PDZRN4: variants seen among roughly 807,000 people sequenced by gnomAD.
The protein encoded by PDZRN4 is PDZ domain-containing RING finger protein 4.
A neutral mutation model predicts 99.0 loss-of-function variants in PDZRN4; 70 were observed. That is an observed-to-expected ratio of 0.71 (90% CI 0.58 to 0.86). PDZRN4 has a LOEUF of 0.86. Ranked by LOEUF, PDZRN4 falls within the 40% of genes least tolerant of loss-of-function variation. The pLI is 0.00. For missense variants in PDZRN4, 1,474 were observed against 1,331.2 expected (o/e 1.11, Z -1.67); for synonymous variants, 551 against 501.6 (o/e 1.10, Z -1.32).
At chr12:41,490,237 C>T (rs540273035) in intron 3 of PDZRN4, among the ~76,000 whole-genome samples, 2 of 152,262 alleles carry the variant, frequency 1.3e-5, no homozygotes, top group East Asian at 3.9e-4. Context: ...GTGTTTGAAA[C>T]TTACCATGGA....
chr12:41,471,834 A>G (rs1182974303), intron 3 of PDZRN4, among the ~76,000 whole-genome samples: 3 of 151,770 alleles, frequency 2.0e-5, no homozygotes, highest in African/African-American at 7.2e-5. Context: ...TTCTTTGTAG[A>G]AGTCAATTTG....
chr12:41,215,662 T>C (rs1294272389), intron 3 of PDZRN4, among the ~76,000 whole-genome samples: 1 of 152,020 alleles, frequency 6.6e-6, no homozygotes, highest in East Asian at 1.9e-4. Flanking sequence ...TTTTTACAGG[T>C]AATTGTTATA....
intron 3 of PDZRN4, among the ~76,000 whole-genome samples, chr12:41,445,035 A>G (rs1211062186): frequency 6.6e-6 from 1 of 151,978 alleles, no homozygotes; most frequent in African/African-American, 2.4e-5. Flanking sequence ...ATATTTTATT[A>G]AAAATATATA....
At chr12:41,360,796 C>T (rs988474795) in intron 3 of PDZRN4, among the ~76,000 whole-genome samples, 2 of 151,928 alleles carry the variant, frequency 1.3e-5, no homozygotes, top group African/African-American at 4.8e-5. Context: ...GGAAAAGTTG[C>T]CATCTGAAAT....
intron 3 of PDZRN4, among the ~76,000 whole-genome samples, chr12:41,450,507 G>C (rs1952765615): frequency 6.6e-6 from 1 of 152,162 alleles, no homozygotes; most frequent in African/African-American, 2.4e-5. Context: ...TCAGATACTG[G>C]GGAATCTGAA....
At chr12:41,525,343 A>G (rs1051973993) in intron 5 of PDZRN4, among the ~76,000 whole-genome samples, 3 of 152,208 alleles carry the variant, frequency 2.0e-5, no homozygotes, top group African/African-American at 7.2e-5. Context: ...ACTCAAATCA[A>G]GCTTCACTGC....
chr12:41,563,680 G>T, intron 8 of PDZRN4, 31 bp downstream of exon 8: 1 of 1,399,416 alleles, frequency 7.1e-7, no homozygotes, highest in South Asian at 1.2e-5. Flanking sequence ...CCTTGAGACT[G>T]AACTTTATAT....
intron 3 of PDZRN4, among the ~76,000 whole-genome samples, chr12:41,445,054 A>G (rs973640371): frequency 6.6e-6 from 1 of 152,058 alleles, no homozygotes; most frequent in African/African-American, 2.4e-5. Flanking sequence ...TAACTTCTTT[A>G]TATTTTCACT....
intron 3 of PDZRN4, among the ~76,000 whole-genome samples, chr12:41,199,892 T>C (rs970906338): frequency 3.3e-5 from 5 of 152,084 alleles, no homozygotes; most frequent in African/African-American, 4.8e-5. Context: ...GATTGAGGGC[T>C]GATAATTACT....
intron 5 of PDZRN4, among the ~76,000 whole-genome samples, chr12:41,520,129 T>A (rs184293294): frequency 6.3e-4 from 96 of 152,204 alleles, no homozygotes; most frequent in African/African-American, 2.3e-3. Flanking sequence ...ATGACGGAGG[T>A]AGAAATAAGA....
intron 3 of PDZRN4, among the ~76,000 whole-genome samples, chr12:41,433,314 A>G (rs1952600591): frequency 6.6e-6 from 1 of 152,202 alleles, no homozygotes; most frequent in Admixed American, 6.5e-5. Flanking sequence ...TAGAGATTGA[A>G]TTCCACCACA....
chr12:41,286,329 TC>T (rs1951422008), intron 3 of PDZRN4, among the ~76,000 whole-genome samples: 5 of 121,480 alleles, frequency 4.1e-5, no homozygotes, highest in African/African-American at 1.5e-4. Context: ...TCATTTTCCT[TC>T]TTCTTCTTTT....
intron 5 of PDZRN4, among the ~76,000 whole-genome samples, chr12:41,546,431 G>A (rs1300934160): frequency 6.6e-6 from 1 of 152,132 alleles, no homozygotes; most frequent in Admixed American, 6.5e-5. Context: ...TTGGGATTTT[G>A]AACTGGGAAT....
intron 6 of PDZRN4, among the ~76,000 whole-genome samples, chr12:41,554,979 C>G (rs1052913817): frequency 6.8e-6 from 1 of 146,594 alleles, no homozygotes; most frequent in Non-Finnish European, 1.5e-5. Flanking sequence ...GAGGCCAAGG[C>G]GGGCGGATCA....
intron 3 of PDZRN4, among the ~76,000 whole-genome samples, chr12:41,246,426 G>T (rs1376602515): frequency 6.6e-6 from 1 of 152,158 alleles, no homozygotes; most frequent in Non-Finnish European, 1.5e-5. Flanking sequence ...GGATAGGTAT[G>T]GATGGATATT....
intron 3 of PDZRN4, among the ~76,000 whole-genome samples, chr12:41,195,004 A>G (rs907045309): frequency 3.3e-5 from 5 of 152,170 alleles, no homozygotes; most frequent in Non-Finnish European, 5.9e-5. Flanking sequence ...TGAAAGAAAA[A>G]GAGAAATACC....
intron 3 of PDZRN4, among the ~76,000 whole-genome samples, chr12:41,365,919 A>G (rs533357908): frequency 6.6e-6 from 1 of 152,246 alleles, no homozygotes; most frequent in South Asian, 2.1e-4. Flanking sequence ...TTCAAGCCTT[A>G]CAAGTGTGAA....
chr12:41,371,964 C>G (rs1047753279), intron 3 of PDZRN4, among the ~76,000 whole-genome samples: 1 of 152,086 alleles, frequency 6.6e-6, no homozygotes, highest in African/African-American at 2.4e-5. Flanking sequence ...TTATTCCCTG[C>G]AAGTCTATAC....
chr12:41,386,871 G>A (rs905677563), intron 3 of PDZRN4, among the ~76,000 whole-genome samples: 3 of 152,132 alleles, frequency 2.0e-5, no homozygotes, highest in African/African-American at 7.2e-5. Flanking sequence ...ACAAGCAATG[G>A]GGAAAGGATT....
Sources: allele counts gnomAD v4.1 joint callset (sites outside exome capture counted in the v4.1 genomes callset), GRCh38; gene constraint gnomAD v4.1.1; transcripts MANE v1.5; gene names NCBI Gene and HGNC (gene_info 2026-07-23, HGNC 2026-07-21).